Variants in MARCHF10 observed in about 807,000 individuals in gnomAD.
MARCHF10 encodes probable E3 ubiquitin-protein ligase MARCHF10.
A neutral mutation model predicts 76.2 loss-of-function variants in MARCHF10; 64 were observed. The observed-to-expected ratio is 0.84, with a 90% CI of 0.69 to 1.03. The LOEUF is 1.03. Ranked by LOEUF, MARCHF10 falls within the 50% of genes least tolerant of loss-of-function variation. MARCHF10 has a pLI of 0.00. For synonymous variants in MARCHF10, 340 were observed against 357.5 expected (o/e 0.95, Z 0.55); for missense variants, 875 against 958.0 (o/e 0.91, Z 1.14).
intron 9 of MARCHF10, chr17:62,707,702 C>G (rs139563394): frequency 6.6e-6 from 1 of 152,268 alleles, no homozygotes; most frequent in African/African-American, 2.4e-5. Context: ...CCCAACCTTC[C>G]GTTACAACAC....
chr17:62,775,282 C>T (rs148442051), intron 3 of MARCHF10, among the ~76,000 whole-genome samples: 11 of 151,970 alleles, frequency 7.2e-5, no homozygotes, highest in African/African-American at 2.2e-4. Flanking sequence ...CCCACCACCA[C>T]GCCCAGCTTA....
At chr17:62,747,086 G>A (rs77433329) in intron 4 of MARCHF10, 8 of 772,906 alleles carry the variant, frequency 1.0e-5, no homozygotes, top group Admixed American at 6.9e-5. Flanking sequence ...TAGCCTGCAC[G>A]CTCCTTAAGA....
At position 62,736,109 on chromosome 17, in the gene MARCHF10, C is replaced by T. The variant is rs116835087; in HGVS notation, c.1759G>A (p.Gly587Ser). ...SSSPSRMNSE[G>S]HLHVSGSLQE... ...AGAGACCCAGACACATGCAAATGGCCTTCTGAGTTCATTCTTGATGGAGAG... is the reference window on the plus strand; with the variant it reads ...AGAGACCCAGACACATGCAAATGGCTTTCTGAGTTCATTCTTGATGGAGAG... Residue 587 changes from glycine (G) to serine (S), a missense_variant, in exon 6 of 11, where the codon GGC (glycine) becomes AGC (serine). Gly to Ser is a moderately conservative substitution (Grantham distance 56). Transcript: ENST00000311269. 2.2e-3 allele frequency: 3,564 copies of T among 1,614,126 alleles called. 84 individuals carry two copies. In the African/African-American group the frequency reaches 0.043, roughly 19 times the overall value.
At chr17:62,754,314 C>T (rs2091979410) in intron 4 of MARCHF10, among the ~76,000 whole-genome samples, 1 of 152,214 alleles carries the variant, frequency 6.6e-6, no homozygotes, top group Non-Finnish European at 1.5e-5. Context: ...CTCAGGTGAT[C>T]CGCTTGCCTT....
At chr17:62,766,157 C>T (rs975835136) in intron 3 of MARCHF10, among the ~76,000 whole-genome samples, 1 of 151,472 alleles carries the variant, frequency 6.6e-6, no homozygotes, top group Non-Finnish European at 1.5e-5. Flanking sequence ...GATTGTGCCA[C>T]TGCACTCCAG....
chr17:62,763,667 G>A (rs562636731), intron 3 of MARCHF10, among the ~76,000 whole-genome samples: 8 of 151,962 alleles, frequency 5.3e-5, no homozygotes, highest in Non-Finnish European at 1.0e-4. Flanking sequence ...TTTGGGGGAC[G>A]AAAGCCAGCT....
intron 3 of MARCHF10, among the ~76,000 whole-genome samples, chr17:62,770,410 G>A (rs2092421088): frequency 6.6e-6 from 1 of 152,170 alleles, no homozygotes; most frequent in Admixed American, 6.5e-5. Context: ...GGGTTGAATG[G>A]AAGCTTTGTT....
intron 4 of MARCHF10, chr17:62,750,244 G>GC (rs1206428558): frequency 6.5e-6 from 1 of 153,226 alleles, no homozygotes; most frequent in Non-Finnish European, 1.5e-5. Flanking sequence ...GGCCCTGAAG[G>GC]CACAGCACAG....
intron 8 of MARCHF10, among the ~76,000 whole-genome samples, chr17:62,721,697 G>C (rs7359685): frequency 6.6e-6 from 1 of 152,240 alleles, no homozygotes. Context: ...AAATACCCTA[G>C]GAGAGTTAAT....
chr17:62,714,297 T>C, intron 8 of MARCHF10: 1 of 722,794 alleles, frequency 1.4e-6, no homozygotes, highest in Non-Finnish European at 1.7e-6. Context: ...ACTGTGACTT[T>C]AGGCAGAGTT....
chr17:62,755,442 C>T (rs1009655394), intron 4 of MARCHF10, among the ~76,000 whole-genome samples: 3 of 152,216 alleles, frequency 2.0e-5, no homozygotes, highest in Admixed American at 1.3e-4. Flanking sequence ...GAGGTCTTGA[C>T]AGCAGGCAGG....
Position 62,714,686 on chromosome 17 carries a change from T to A in MARCHF10, c.2215-3342A>T, listed in dbSNP as rs4968735. On this transcript the variant is annotated intron_variant, in intron 8 of 10. Coordinates refer to ENST00000311269, the MANE Select transcript of MARCHF10 (RefSeq NM_152598.4). ...CTAGTGGCTCCAGGTTTAACATGCA[T>A]CAGAAATACTGAGCAGGCCTTTTCA... is the stretch of plus-strand genomic sequence containing the variant. Among the ~76,000 whole-genome samples, 792 of 152,232 alleles carry A rather than the reference T, an allele frequency of 5.2e-3. 12 individuals are homozygous for A. The highest frequency in any genetic ancestry group is 0.026 in the Admixed American group (393 of 15,278).
chr17:62,709,229 C>A (rs149983645), intron 9 of MARCHF10, among the ~76,000 whole-genome samples: 1 of 152,138 alleles, frequency 6.6e-6, no homozygotes, highest in Non-Finnish European at 1.5e-5. Context: ...CCTGTAATCC[C>A]AGCACTTTGG....
intron 2 of MARCHF10, among the ~76,000 whole-genome samples, chr17:62,792,662 AACCACCACC>A (rs201134139): frequency 2.5e-5 from 3 of 122,240 alleles, no homozygotes; most frequent in African/African-American, 1.1e-4. Flanking sequence ...CACAACCATC[AACCACCACC>A]ACCACCACCT....
chr17:62,744,723 T>A (rs963230775), intron 4 of MARCHF10, among the ~76,000 whole-genome samples, 195 bp from the exon 5 acceptor site: 2 of 151,968 alleles, frequency 1.3e-5, no homozygotes, highest in Admixed American at 6.6e-5. Context: ...CTTGGGAAAA[T>A]CACTTCACCT....
chr17:62,774,272 C>T (rs898653218), intron 3 of MARCHF10, among the ~76,000 whole-genome samples: 5 of 152,074 alleles, frequency 3.3e-5, no homozygotes, highest in South Asian at 2.1e-4. Flanking sequence ...TTGAGGAACT[C>T]GGGATCTGAG....
chr17:62,804,743 C>T (rs1187455358), intron 1 of MARCHF10, among the ~76,000 whole-genome samples: 1 of 152,114 alleles, frequency 6.6e-6, no homozygotes, highest in Non-Finnish European at 1.5e-5. Context: ...TCTATGGGGT[C>T]ATCAAAGCCC....
intron 2 of MARCHF10, among the ~76,000 whole-genome samples, chr17:62,797,588 AC>A (rs1270930066): frequency 2.6e-5 from 4 of 152,074 alleles, no homozygotes; most frequent in African/African-American, 4.8e-5. Flanking sequence ...GATCCTCACC[AC>A]CTTTGCCCAG....
chr17:62,731,071 T>C (rs1376608704), intron 6 of MARCHF10, among the ~76,000 whole-genome samples: 1 of 152,046 alleles, frequency 6.6e-6, no homozygotes, highest in Non-Finnish European at 1.5e-5. Context: ...TAGACAAAAA[T>C]AATTATGGAT....
Sources: gnomAD v4.1 joint callset for allele counts (sites outside exome capture counted in the v4.1 genomes callset) on GRCh38, gnomAD v4.1.1 for gene constraint, MANE v1.5 for transcripts, NCBI Gene and HGNC (gene_info 2026-07-23, HGNC 2026-07-21) for gene names.